The following BDP1 variants were observed in gnomAD, a reference collection of about 807,000 sequenced individuals.
The protein encoded by BDP1 is transcription factor TFIIIB component B'' homolog.
BDP1 carries 169 observed loss-of-function variants against 266.6 expected under a neutral mutation model. The observed-to-expected ratio is 0.63, with a 90% confidence interval of 0.56 to 0.72. The LOEUF is 0.72. Among genes scored for constraint, BDP1 ranks in the 30% least tolerant of loss-of-function variants. The probability of loss-of-function intolerance (pLI) is 0.00; values close to 1 mark genes in which losing one functional copy is unlikely to be tolerated. For synonymous variants in BDP1, 1,090 were observed against 1,022.4 expected (o/e 1.07, Z -1.26); for missense variants, 3,015 against 3,053.8 (o/e 0.99, Z 0.30).
At chr5:71,540,968 T>C (rs1766929889) in intron 28 of BDP1, among the ~76,000 whole-genome samples, 1 of 152,098 alleles carries the variant, frequency 6.6e-6, no homozygotes. Flanking sequence ...ATATTAGACT[T>C]TTAGGCTTGG....
At chr5:71,516,569 A>G (rs1220433710) in intron 21 of BDP1, among the ~76,000 whole-genome samples, 1 of 152,196 alleles carries the variant, frequency 6.6e-6, no homozygotes, top group Non-Finnish European at 1.5e-5. Flanking sequence ...ATCTTACTGG[A>G]TTTATTTCCA....
rs1764350713 is a variant in BDP1, at chr5:71,503,039, T to A, written c.2241+248T>A. On this transcript the variant is annotated intron_variant, in intron 15 of 38. Transcript: ENST00000358731. ...GAGATCGTGCCACCGCACTCCAGCC[T>A]AGGCGACAGAGCAAGACTCTGTCTC... is the stretch of plus-strand genomic sequence containing the variant. Among the ~76,000 whole-genome samples the A allele has an allele frequency of 2.9e-5, 4 of 137,106 alleles. No homozygotes were observed. The Admixed American group carries it at 3.1e-4, about 11-fold the overall frequency. 89.9% of individuals were successfully genotyped at this position (137,106 alleles called of 152,430 possible). A position where few individuals can be genotyped will look rare whatever the true frequency, so the allele number is the denominator to read the frequency against.
rs772277159 is a variant in BDP1 at position 71,559,969 on chromosome 5, C to CT, written c.7241-5dup. ...TCAGTATCCTTGCTTTCCATTTGCT[C>CT]TTTTTTTTGAAGGGGAGTCTCACAA... On this transcript the variant is annotated splice_polypyrimidine_tract_variant and intron_variant, in intron 36 of 38. Coordinates refer to ENST00000358731, the MANE Select transcript of BDP1 (RefSeq NM_018429.3). 8.1e-6 allele frequency: 13 copies of CT among 1,609,372 alleles called. No individual in the cohort carries two copies. Among genetic ancestry groups the CT allele is most frequent in the South Asian group, 5.5e-5 (5 of 90,522 alleles).
intron 1 of BDP1, among the ~76,000 whole-genome samples, chr5:71,457,106 A>G (rs1450417265): frequency 1.3e-5 from 2 of 152,168 alleles, no homozygotes; most frequent in Admixed American, 1.3e-4. Context: ...TCGCTGTTAC[A>G]TTAATAAAGT....
At position 71,550,421 on chromosome 5, in the gene BDP1, C is replaced by G. The variant is rs900071082; in HGVS notation, c.6995+815C>G. Among the ~76,000 whole-genome samples the G allele has an allele frequency of 3.3e-5, 5 of 151,788 alleles. No homozygotes were observed. In the South Asian group the frequency reaches 1.0e-3, roughly 32 times the overall value. ...CATGCCTCAGCCTTTCAAGTAGCTT[C>G]TCAGCTACAGGTGCGCACCACTGTG... On this transcript the variant is annotated intron_variant, in intron 34 of 38. Transcript: ENST00000358731.
intron 7 of BDP1, among the ~76,000 whole-genome samples, chr5:71,477,179 C>T (rs976897550): frequency 3.3e-5 from 5 of 150,732 alleles, no homozygotes; most frequent in African/African-American, 7.3e-5. Context: ...TTTTTTCTTT[C>T]GAGACAGGGT....
chr5:71,477,481 T>G (rs1304345962), intron 7 of BDP1, among the ~76,000 whole-genome samples: 3 of 152,182 alleles, frequency 2.0e-5, no homozygotes, highest in Non-Finnish European at 4.4e-5. Context: ...TACAGTGAAC[T>G]TATTTTATAA....
intron 26 of BDP1, among the ~76,000 whole-genome samples, chr5:71,532,717 C>T (rs993915561): frequency 5.3e-5 from 8 of 152,138 alleles, no homozygotes; most frequent in African/African-American, 2.4e-5. Context: ...TTGCACTCTT[C>T]CATTATTGGT....
chr5:71,540,152 A>G (rs1204874727), intron 28 of BDP1, among the ~76,000 whole-genome samples: 3 of 152,222 alleles, frequency 2.0e-5, no homozygotes, highest in African/African-American at 7.2e-5. Context: ...CAAGATTTTT[A>G]ACTTATTAGA....
chr5:71,499,498 A>T (rs573599619), intron 13 of BDP1, among the ~76,000 whole-genome samples: 1 of 152,310 alleles, frequency 6.6e-6, no homozygotes, highest in East Asian at 1.9e-4. Context: ...ACATGCTTGT[A>T]ATCCCAACTA....
At chr5:71,519,069 C>T (rs1419499590) in intron 22 of BDP1, among the ~76,000 whole-genome samples, 1 of 152,006 alleles carries the variant, frequency 6.6e-6, no homozygotes, top group African/African-American at 2.4e-5. Flanking sequence ...ATCCACCCAC[C>T]TCAGCCTCCC....
Position 71,512,435 on chromosome 5 carries a change from G to C in BDP1, c.4247+7G>C, listed in dbSNP as rs772893016. ...TTTCAGATATTAATTTAAGGTACAA[G>C]TGTGTTTTTAAAGAAAAAGATATTA... On this transcript the variant is annotated splice_region_variant and intron_variant, in intron 18 of 38. Coordinates refer to ENST00000358731, the MANE Select transcript of BDP1 (RefSeq NM_018429.3). 6.7e-7 allele frequency: 1 copy of C among 1,497,048 alleles called. No homozygotes were observed. The highest frequency in any genetic ancestry group is 8.9e-7 in the Non-Finnish European group (1 of 1,126,150). 92.7% of individuals were successfully genotyped at this position (1,497,048 alleles called of 1,614,324 possible). A position where few individuals can be genotyped will look rare whatever the true frequency, so the allele number is the denominator to read the frequency against.
chr5:71,508,683 C>T (rs1198048419), intron 16 of BDP1, among the ~76,000 whole-genome samples: 1 of 151,976 alleles, frequency 6.6e-6, no homozygotes, highest in Non-Finnish European at 1.5e-5. Context: ...TAGCTTTTGC[C>T]CAATATTAAT....
chr5:71,467,584 A>G, intron 6 of BDP1, 97 bp downstream of exon 6: 1 of 1,004,686 alleles, frequency 1.0e-6, no homozygotes. Context: ...CATAAAATGC[A>G]AACTACCATT....
At chr5:71,568,946 T>C (rs1744176646), downstream of BDP1, among the ~76,000 whole-genome samples, 1 of 152,244 alleles carries the variant, frequency 6.6e-6, no homozygotes, top group Admixed American at 6.5e-5. Context: ...TTCTTTTAAT[T>C]TTTCTTACTG....
At chr5:71,509,342 GCCTT>G (rs1354175646) in intron 16 of BDP1, 119 bp from the exon 17 acceptor site, 2 of 1,098,514 alleles carry the variant, frequency 1.8e-6, no homozygotes, top group African/African-American at 3.2e-5. Context: ...CGATTCCTAG[GCCTT>G]CCTTAATTTT....
At position 71,504,671 on chromosome 5, in the gene BDP1, T is replaced by C; in HGVS notation, c.2292T>C (p.Asp764=). The C allele has an allele frequency of 6.2e-7, 1 of 1,613,664 alleles. No individual in the cohort carries two copies. The highest frequency in any genetic ancestry group is 8.5e-7 in the Non-Finnish European group (1 of 1,179,718). ...DQSRKDFEEE[D]VILQPEKNDS... is the part of the protein sequence containing the mutation. Reference sequence around the variant, plus strand: ...CGCGTAAAGATTTTGAAGAGGAAGATGTCATATTACAGCCTGAGAAAAATG... The same window carrying C: ...CGCGTAAAGATTTTGAAGAGGAAGACGTCATATTACAGCCTGAGAAAAATG... Residue 764 remains aspartate (D), a synonymous_variant, in exon 16 of 39, where the codon GAT becomes GAC. Transcript: ENST00000358731.
At chr5:71,562,223 A>AAT in intron 37 of BDP1, 51 bp from the exon 38 acceptor site, 1 of 1,111,568 alleles carries the variant, frequency 9.0e-7, no homozygotes, top group Non-Finnish European at 1.2e-6. Flanking sequence ...AAAAAAAAAA[A>AAT]GAATGTGTCT....
At chr5:71,540,233 A>G (rs1029580204) in intron 28 of BDP1, among the ~76,000 whole-genome samples, 2 of 152,098 alleles carry the variant, frequency 1.3e-5, no homozygotes, top group Non-Finnish European at 2.9e-5. Flanking sequence ...GAATAATTAT[A>G]CTATTCCTGG....
Sources: allele counts gnomAD v4.1 joint callset (sites outside exome capture counted in the v4.1 genomes callset), GRCh38; gene constraint gnomAD v4.1.1; transcripts MANE v1.5; gene names NCBI Gene and HGNC (gene_info 2026-07-23, HGNC 2026-07-21).